The following ARHGAP6 variants were observed in gnomAD, a reference collection of about 807,000 sequenced individuals.
The protein encoded by ARHGAP6 is Rho GTPase activating protein 6, also known as rho GTPase-activating protein 6.
Under a neutral mutation model 55.7 loss-of-function variants are expected in ARHGAP6, and 16 were observed. The ratio of observed to expected loss-of-function variants is 0.29; its 90% CI spans 0.19 to 0.44. The LOEUF (loss-of-function observed/expected upper bound fraction) is 0.44, where lower values mean the gene tolerates loss of function less well. ARHGAP6 is among the 20% of genes least tolerant of loss of function. The pLI is 1.00. For synonymous variants in ARHGAP6, 382 were observed against 360.9 expected, an observed-to-expected ratio of 1.06 and a Z score of -0.66; for missense variants, 698 against 808.9, an observed-to-expected ratio of 0.86 and a Z score of 1.66.
Position 11,569,271 on chromosome X carries a change from C to T in ARHGAP6, c.588+94970G>A, listed in dbSNP as rs2051484083. ...AATATCCCACAATGCACAGGACAGC[C>T]CCCACCACAAAGAATTGTCTGGCCC... is the stretch of plus-strand genomic sequence containing the variant. On this transcript the variant is annotated intron_variant, in intron 1 of 12. Coordinates refer to ENST00000337414, the MANE Select transcript of ARHGAP6 (RefSeq NM_013427.3). Among the ~76,000 whole-genome samples, 4 of 110,673 alleles carry T rather than the reference C, an allele frequency of 3.6e-5. No individual in the cohort carries two copies. In the South Asian group the frequency reaches 1.5e-3, roughly 43 times the overall value.
intron 1 of ARHGAP6, among the ~76,000 whole-genome samples, chrX:11,470,839 T>G (rs927105614): frequency 2.7e-5 from 3 of 112,016 alleles, no homozygotes; most frequent in Admixed American, 1.9e-4. Flanking sequence ...AATGCTCTGC[T>G]GCTGCCATCT....
intron 1 of ARHGAP6, among the ~76,000 whole-genome samples, chrX:11,338,038 G>C (rs1166687202): frequency 9.0e-6 from 1 of 111,395 alleles, no homozygotes; most frequent in African/African-American, 3.3e-5. Flanking sequence ...AACCAATCTA[G>C]TGTCAAGAGT....
chrX:11,349,505 A>G (rs2048830983), intron 1 of ARHGAP6, among the ~76,000 whole-genome samples: 1 of 111,647 alleles, frequency 9.0e-6, no homozygotes, highest in Non-Finnish European at 1.9e-5. Context: ...CATAGTAGGC[A>G]TTCAAAACAT....
chrX:11,156,305 A>C (rs915806082), intron 10 of ARHGAP6, among the ~76,000 whole-genome samples: 6 of 112,540 alleles, frequency 5.3e-5, no homozygotes, highest in Admixed American at 1.9e-4. Flanking sequence ...AGAAAGCTGA[A>C]AATAAAACAG....
chrX:11,498,526 A>T (rs747506672), intron 1 of ARHGAP6, among the ~76,000 whole-genome samples: 21 of 111,544 alleles, frequency 1.9e-4, no homozygotes, highest in Non-Finnish European at 3.6e-4. Flanking sequence ...TTCAAAAGAC[A>T]TTGATAAAGG....
At chrX:11,613,422 T>C (rs1451831630) in intron 1 of ARHGAP6, among the ~76,000 whole-genome samples, 1 of 112,324 alleles carries the variant, frequency 8.9e-6, no homozygotes, top group African/African-American at 3.2e-5. Flanking sequence ...ATTCTAACTT[T>C]AGGTTTCAGC....
intron 1 of ARHGAP6, among the ~76,000 whole-genome samples, chrX:11,579,641 C>A (rs2051642475): frequency 8.9e-6 from 1 of 112,029 alleles, no homozygotes; most frequent in Non-Finnish European, 1.9e-5. Context: ...AGCCCTTTAG[C>A]CTGCCTAACT....
At chrX:11,306,063 G>A (rs749872206) in intron 1 of ARHGAP6, among the ~76,000 whole-genome samples, 13 of 111,365 alleles carry the variant, frequency 1.2e-4, no homozygotes, top group Non-Finnish European at 2.3e-4. Context: ...AGCCATCAGT[G>A]ACCCTCACCT....
chrX:11,261,953 T>A (rs1488191118), intron 1 of ARHGAP6, among the ~76,000 whole-genome samples: 2 of 112,076 alleles, frequency 1.8e-5, no homozygotes, highest in Non-Finnish European at 3.8e-5. Context: ...TGAGAAACCT[T>A]GGTTTAGCAT....
intron 1 of ARHGAP6, among the ~76,000 whole-genome samples, chrX:11,509,329 G>A (rs1164005848): frequency 6.3e-5 from 7 of 111,974 alleles, no homozygotes. Flanking sequence ...AAAGAAGGGG[G>A]ATAGCTAGGG....
intron 1 of ARHGAP6, among the ~76,000 whole-genome samples, chrX:11,516,116 T>A (rs1021211786): frequency 8.9e-6 from 1 of 112,862 alleles, no homozygotes; most frequent in Non-Finnish European, 1.9e-5. Context: ...AAAACAGCGA[T>A]TGAGCACTTA....
chrX:11,414,075 T>A (rs1408090613), intron 1 of ARHGAP6, among the ~76,000 whole-genome samples: 1 of 112,469 alleles, frequency 8.9e-6, no homozygotes, highest in Non-Finnish European at 1.9e-5. Context: ...TCCCTTTCTT[T>A]TGCCTTCATA....
At chrX:11,595,340 T>G (rs775766456) in intron 1 of ARHGAP6, among the ~76,000 whole-genome samples, 61 of 109,324 alleles carry the variant, frequency 5.6e-4, no homozygotes, top group African/African-American at 1.7e-3. Context: ...ATTCCCTGTT[T>G]AATAAATGGT....
rs752983792 is a variant in ARHGAP6 at position 11,207,066 on chromosome X, G to T, written c.749-10070C>A. ...TAATACATTTCCTGCCCCTATTCTGGTTTTCTGCCTCAAATGTCTTCCTGG... is the reference window on the plus strand; with the variant it reads ...TAATACATTTCCTGCCCCTATTCTGTTTTTCTGCCTCAAATGTCTTCCTGG... On this transcript the variant is annotated intron_variant, in intron 2 of 12. Coordinates refer to ENST00000337414, the MANE Select transcript of ARHGAP6 (RefSeq NM_013427.3). Among the ~76,000 whole-genome samples the T allele has an allele frequency of 3.6e-5, 4 of 111,512 alleles. No homozygotes were observed. In the South Asian group the frequency reaches 1.5e-3, roughly 42 times the overall value.
At chrX:11,184,019 G>T (rs1334067672) in intron 5 of ARHGAP6, among the ~76,000 whole-genome samples, 1 of 111,640 alleles carries the variant, frequency 9.0e-6, no homozygotes, top group African/African-American at 3.3e-5. Context: ...ACCGCCATTT[G>T]AAGCCACATG....
At chrX:11,474,781 A>C (rs1388222194) in intron 1 of ARHGAP6, among the ~76,000 whole-genome samples, 1 of 111,150 alleles carries the variant, frequency 9.0e-6, no homozygotes, top group African/African-American at 3.3e-5. Flanking sequence ...CAGATCCCTC[A>C]TGAAGGACTT....
At chrX:11,516,534 T>C (rs772166297) in intron 1 of ARHGAP6, among the ~76,000 whole-genome samples, 2 of 112,123 alleles carry the variant, frequency 1.8e-5, no homozygotes, top group South Asian at 3.7e-4. Flanking sequence ...ATCATAACTA[T>C]TGAGTTTCTT....
chrX:11,242,216 ATTTGATTTGTTGAACACGTCTCCTTG>A (rs1454213213), intron 2 of ARHGAP6, among the ~76,000 whole-genome samples: 1 of 112,404 alleles, frequency 8.9e-6, no homozygotes, highest in Non-Finnish European at 1.9e-5. Context: ...TCATTAAGAT[ATTTGATTTGTTGAACACGTCTCCTTG>A]TTCCGTCAAA....
At chrX:11,380,182 T>C (rs2049246066) in intron 1 of ARHGAP6, among the ~76,000 whole-genome samples, 1 of 112,044 alleles carries the variant, frequency 8.9e-6, no homozygotes, top group Admixed American at 9.5e-5. Flanking sequence ...TTTTACCTAA[T>C]TCAATTTAAG....
Sources: allele counts gnomAD v4.1 joint callset (sites outside exome capture counted in the v4.1 genomes callset), GRCh38; gene constraint gnomAD v4.1.1; transcripts MANE v1.5; gene names NCBI Gene and HGNC (gene_info 2026-07-23, HGNC 2026-07-21).